CNTNAP5: variants seen among roughly 807,000 people sequenced by gnomAD.
CNTNAP5 encodes the protein contactin associated protein family member 5, also known as contactin-associated protein-like 5.
CNTNAP5 carries 72 observed loss-of-function variants against 150.2 expected under a neutral mutation model. The ratio of observed to expected loss-of-function variants is 0.48; its 90% CI spans 0.40 to 0.58. CNTNAP5 has a LOEUF of 0.58. Among genes scored for constraint, CNTNAP5 ranks in the 20% least tolerant of loss-of-function variants. CNTNAP5 has a pLI of 0.00. For synonymous variants in CNTNAP5, 672 were observed against 619.8 expected (o/e 1.08, Z -1.25); for missense variants, 1,636 against 1,626.2 (o/e 1.01, Z -0.10).
At chr2:124,705,433 C>A (rs1428257820) in intron 13 of CNTNAP5, among the ~76,000 whole-genome samples, 1 of 152,068 alleles carries the variant, frequency 6.6e-6, no homozygotes, top group African/African-American at 2.4e-5. Flanking sequence ...GAGACTGAGG[C>A]AGGAGAATTG....
chr2:124,172,915 G>A (rs981741962), intron 1 of CNTNAP5, among the ~76,000 whole-genome samples: 2 of 152,044 alleles, frequency 1.3e-5, no homozygotes, highest in African/African-American at 4.8e-5. Flanking sequence ...TTTAAAAATT[G>A]AATGTTTTTG....
At chr2:124,145,832 GA>G (rs1164454367) in intron 1 of CNTNAP5, among the ~76,000 whole-genome samples, 12 of 34,200 alleles carry the variant, frequency 3.5e-4, no homozygotes, top group African/African-American at 1.7e-3. Flanking sequence ...AAAAAAAGAA[GA>G]AAAAAAAAAA....
At position 124,917,115 on chromosome 2, in the gene CNTNAP5, C is replaced by A. The variant is rs991822097; in HGVS notation, c.*2827C>A. 9.2e-5 allele frequency among the ~76,000 whole-genome samples: 14 copies of A among 151,974 alleles called. No individual in the cohort carries two copies. Among genetic ancestry groups the A allele is most frequent in the Non-Finnish European group, 1.9e-4 (13 of 67,964 alleles). On this transcript the variant is annotated 3_prime_UTR_variant, in exon 24 of 24. Coordinates refer to ENST00000682447, the MANE Select transcript of CNTNAP5 (RefSeq NM_001367498.1). ...TGAAAGCATCTTAATCTCTCTTTAA[C>A]CATTTTTTTTTTCTTTTTCCTACCA... is the stretch of plus-strand genomic sequence containing the variant.
intron 1 of CNTNAP5, among the ~76,000 whole-genome samples, chr2:124,089,685 G>A (rs1471824980): frequency 6.6e-6 from 1 of 152,206 alleles, no homozygotes; most frequent in East Asian, 1.9e-4. Flanking sequence ...CTTGCTCCCA[G>A]TCCAGATCTT....
chr2:124,353,467 C>T (rs1689924453), intron 3 of CNTNAP5, among the ~76,000 whole-genome samples: 2 of 151,820 alleles, frequency 1.3e-5, no homozygotes, highest in Non-Finnish European at 1.5e-5. Context: ...GCTCTGCAAA[C>T]AGCAAGGTTG....
chr2:124,853,998 T>G (rs1001020623), intron 19 of CNTNAP5, among the ~76,000 whole-genome samples: 7 of 152,220 alleles, frequency 4.6e-5, no homozygotes, highest in Non-Finnish European at 1.0e-4. Flanking sequence ...TCATTCTTTT[T>G]TATGACTGCA....
In CNTNAP5 at chr2:124,918,320, C is replaced by T. The variant is rs139077320; in HGVS notation, c.*4032C>T. Among the ~76,000 whole-genome samples the T allele has an allele frequency of 6.6e-6, 1 of 152,022 alleles. No individual in the cohort carries two copies. On this transcript the variant is annotated 3_prime_UTR_variant, in exon 24 of 24. Transcript: ENST00000682447. ...AAAACCCTCCTTAGTCCTGATGAGC[C>T]ATTTTGACTCTACATAACATTTCTG... is the stretch of plus-strand genomic sequence containing the variant.
intron 21 of CNTNAP5, among the ~76,000 whole-genome samples, chr2:124,880,687 T>C (rs543341454): frequency 2.6e-4 from 39 of 152,216 alleles, no homozygotes; most frequent in Admixed American, 1.5e-3. Context: ...AGAGAAAATA[T>C]GAAAACTTTA....
At chr2:124,182,151 G>A (rs1413607363) in intron 1 of CNTNAP5, among the ~76,000 whole-genome samples, 2 of 152,110 alleles carry the variant, frequency 1.3e-5, no homozygotes, top group Non-Finnish European at 2.9e-5. Flanking sequence ...AGAATTGGGA[G>A]CGCACTTTTA....
At chr2:124,714,419 T>C (rs1482841) in intron 13 of CNTNAP5, among the ~76,000 whole-genome samples, 24,729 of 152,160 alleles carry the variant, frequency 0.16, 2,284 homozygotes, top group East Asian at 0.24. Context: ...TAATTTATGA[T>C]GAGTTTTATT....
chr2:124,341,833 A>G (rs984764979), intron 3 of CNTNAP5, among the ~76,000 whole-genome samples: 1 of 152,116 alleles, frequency 6.6e-6, no homozygotes, highest in African/African-American at 2.4e-5. Flanking sequence ...ATGTCTATAA[A>G]TAAGCTGTTG....
At chr2:124,492,199 T>G (rs1447313258) in intron 7 of CNTNAP5, among the ~76,000 whole-genome samples, 1 of 152,210 alleles carries the variant, frequency 6.6e-6, no homozygotes, top group East Asian at 1.9e-4. Context: ...TAGACCAATG[T>G]CAAGGATATA....
chr2:124,370,999 A>T (rs569882407), intron 3 of CNTNAP5, among the ~76,000 whole-genome samples: 2 of 152,264 alleles, frequency 1.3e-5, no homozygotes, highest in East Asian at 3.9e-4. Flanking sequence ...TGATTGTAAT[A>T]AACTGGAAAG....
intron 3 of CNTNAP5, among the ~76,000 whole-genome samples, chr2:124,369,508 A>G (rs77092081): frequency 0.08 from 12,132 of 152,176 alleles, 624 homozygotes; most frequent in Non-Finnish European, 0.11. Context: ...AGACATAGGC[A>G]TTGGTATGTT....
intron 3 of CNTNAP5, among the ~76,000 whole-genome samples, chr2:124,388,190 A>C (rs1198977966): frequency 6.6e-6 from 1 of 152,184 alleles, no homozygotes; most frequent in East Asian, 1.9e-4. Flanking sequence ...TAAAGGCATC[A>C]TGTCTCAGGG....
At chr2:124,227,636 G>GTGTA (rs1180314015) in intron 2 of CNTNAP5, among the ~76,000 whole-genome samples, 1 of 129,316 alleles carries the variant, frequency 7.7e-6, no homozygotes, top group African/African-American at 3.0e-5. Context: ...AGCACATCGT[G>GTGTA]TGTATGTGTG....
intron 17 of CNTNAP5, among the ~76,000 whole-genome samples, chr2:124,786,454 AGAAAGAAAGAAAG>A (rs1681591774): frequency 1.9e-5 from 2 of 107,098 alleles, no homozygotes; most frequent in African/African-American, 8.8e-5. Context: ...AAGGAAAGAA[AGAAAGAAAGAAAG>A]GAAGGAAGGA....
At chr2:124,210,034 A>G (rs1374371635) in intron 1 of CNTNAP5, among the ~76,000 whole-genome samples, 1 of 152,178 alleles carries the variant, frequency 6.6e-6, no homozygotes, top group Non-Finnish European at 1.5e-5. Flanking sequence ...GAGTTTGATC[A>G]TGAAGGGATA....
At chr2:124,683,092 C>T (rs533022606) in intron 13 of CNTNAP5, among the ~76,000 whole-genome samples, 125 of 152,126 alleles carry the variant, frequency 8.2e-4, no homozygotes, top group African/African-American at 2.8e-3. Context: ...TTTTTAGAAA[C>T]TGAAAGCAAT....
Sources: allele counts gnomAD v4.1 joint callset (sites outside exome capture counted in the v4.1 genomes callset), GRCh38; gene constraint gnomAD v4.1.1; transcripts MANE v1.5; gene names NCBI Gene and HGNC (gene_info 2026-07-23, HGNC 2026-07-21).